The following GLI3 variants were observed in gnomAD, a reference collection of about 807,000 sequenced individuals.
GLI3 encodes the protein GLI family zinc finger 3.
Under a neutral mutation model 100.8 loss-of-function variants are expected in GLI3, and 20 were observed. The observed-to-expected ratio is 0.20, with a 90% confidence interval of 0.14 to 0.29. The LOEUF is 0.29. GLI3 is among the 10% of genes least tolerant of loss of function. The probability of loss-of-function intolerance (pLI) is 1.00; values close to 1 mark genes in which losing one functional copy is unlikely to be tolerated. For missense variants in GLI3, 2,040 were observed against 2,128.5 expected (o/e 0.96, Z 0.82); for synonymous variants, 938 against 860.5 (o/e 1.09, Z -1.58).
chr7:42,223,791 G>A (rs557888107), intron 1 of GLI3, among the ~76,000 whole-genome samples: 2 of 152,172 alleles, frequency 1.3e-5, no homozygotes, highest in Non-Finnish European at 2.9e-5. Flanking sequence ...TGAATCAGAG[G>A]ATAATTCAGG....
chr7:42,126,855 G>T (rs77263629), intron 3 of GLI3, among the ~76,000 whole-genome samples: 3 of 152,106 alleles, frequency 2.0e-5, no homozygotes, highest in African/African-American at 7.2e-5. Flanking sequence ...ATTAGAAGAG[G>T]GTCAGCCTAA....
intron 6 of GLI3, among the ~76,000 whole-genome samples, chr7:42,043,866 A>G (rs1784191673): frequency 6.6e-6 from 1 of 152,248 alleles, no homozygotes; most frequent in South Asian, 2.1e-4. Context: ...ACTGATTTGC[A>G]TAATAACACA....
At chr7:42,186,591 C>T (rs1787720835) in intron 2 of GLI3, among the ~76,000 whole-genome samples, 1 of 152,192 alleles carries the variant, frequency 6.6e-6, no homozygotes, top group South Asian at 2.1e-4. Flanking sequence ...ACACCCCTGA[C>T]CATCAGTGCA....
At chr7:42,162,198 G>C (rs999548804) in intron 2 of GLI3, among the ~76,000 whole-genome samples, 2 of 152,140 alleles carry the variant, frequency 1.3e-5, no homozygotes, top group Non-Finnish European at 2.9e-5. Context: ...TTTTGACTGT[G>C]GGGGGATAGA....
intron 3 of GLI3, among the ~76,000 whole-genome samples, chr7:42,127,734 T>G (rs1452017436): frequency 1.3e-5 from 2 of 152,186 alleles, no homozygotes; most frequent in African/African-American, 2.4e-5. Context: ...TAGGGCCTGG[T>G]GCAGTGGCTG....
intron 3 of GLI3, among the ~76,000 whole-genome samples, chr7:42,077,384 T>A (rs2072202): frequency 1.0e-4 from 15 of 149,452 alleles, no homozygotes; most frequent in East Asian, 2.0e-4. Context: ...TTTTTTTTTT[T>A]AACTTAAATA....
At chr7:42,175,452 G>A (rs1412800892) in intron 2 of GLI3, among the ~76,000 whole-genome samples, 1 of 151,960 alleles carries the variant, frequency 6.6e-6, no homozygotes, top group East Asian at 1.9e-4. Context: ...ACCCTGTCTC[G>A]ACTAAAAATA....
chr7:41,988,010 G>A (rs1343979106), intron 10 of GLI3, among the ~76,000 whole-genome samples: 1 of 152,208 alleles, frequency 6.6e-6, no homozygotes, highest in Non-Finnish European at 1.5e-5. Context: ...TTTCTAAGAA[G>A]TAAATATTCA....
chr7:42,029,729 A>G (rs1275636222), intron 7 of GLI3, among the ~76,000 whole-genome samples: 1 of 152,068 alleles, frequency 6.6e-6, no homozygotes, highest in African/African-American at 2.4e-5. Flanking sequence ...TTCACGTTCC[A>G]GCTTAAATGT....
intron 2 of GLI3, among the ~76,000 whole-genome samples, chr7:42,197,645 C>A (rs1347141851): frequency 6.6e-6 from 1 of 152,204 alleles, no homozygotes; most frequent in Non-Finnish European, 1.5e-5. Flanking sequence ...GCCTTTGTCA[C>A]CTGAAATTCA....
upstream of GLI3, chr7:42,237,976 TCCG>T (rs1206993639): frequency 0.052 from 7,492 of 145,450 alleles, 318 homozygotes; most frequent in African/African-American, 0.12. Context: ...CTCCCCGCCC[TCCG>T]CCGCCGCCGC....
chr7:42,260,669 C>T (rs1026134373), intron 1 of GLI3, among the ~76,000 whole-genome samples: 1 of 151,990 alleles, frequency 6.6e-6, no homozygotes, highest in Non-Finnish European at 1.5e-5. Context: ...AATGAAGGGC[C>T]AGGGACAAGA....
At chr7:42,009,818 T>G (rs1439055876) in intron 10 of GLI3, among the ~76,000 whole-genome samples, 1 of 152,168 alleles carries the variant, frequency 6.6e-6, no homozygotes. Flanking sequence ...TTCACTGCCA[T>G]TCGTTGATTG....
chr7:42,145,315 A>G (rs1321864043), intron 3 of GLI3: 2 of 364,720 alleles, frequency 5.5e-6, no homozygotes, highest in East Asian at 4.0e-5. Context: ...AAATAATACT[A>G]TATCTTTTAT....
At chr7:42,220,142 G>A (rs112049496) in intron 2 of GLI3, among the ~76,000 whole-genome samples, 12,640 of 152,026 alleles carry the variant, frequency 0.083, 1,733 homozygotes, top group African/African-American at 0.29. Context: ...GTGAGCCACC[G>A]GGCCTGGCCG....
chr7:41,993,506 C>T (rs1464016039), intron 10 of GLI3, among the ~76,000 whole-genome samples: 1 of 152,142 alleles, frequency 6.6e-6, no homozygotes, highest in Non-Finnish European at 1.5e-5. Context: ...TTATCACTTC[C>T]AACACACTAT....
At chr7:42,053,919 T>C (rs995321109) in intron 4 of GLI3, among the ~76,000 whole-genome samples, 3 of 152,190 alleles carry the variant, frequency 2.0e-5, no homozygotes, top group African/African-American at 7.2e-5. Context: ...TAGAGTGTTG[T>C]TGGGACTACA....
chr7:42,023,347 C>T, intron 10 of GLI3, 121 bp downstream of exon 10: 1 of 968,706 alleles, frequency 1.0e-6, no homozygotes, highest in Non-Finnish European at 1.6e-6. Flanking sequence ...AGTCATAAAG[C>T]CCTCTCCAGT....
intron 2 of GLI3, among the ~76,000 whole-genome samples, chr7:42,215,550 T>C (rs1421773010): frequency 2.0e-5 from 3 of 152,188 alleles, no homozygotes; most frequent in African/African-American, 7.2e-5. Flanking sequence ...CTGAGCAGCT[T>C]GTTTCTGGAA....
Sources: allele counts gnomAD v4.1 joint callset (sites outside exome capture counted in the v4.1 genomes callset), GRCh38; gene constraint gnomAD v4.1.1; transcripts MANE v1.5; gene names NCBI Gene and HGNC (gene_info 2026-07-23, HGNC 2026-07-21).